The following TRAF7 variants were observed in gnomAD, a reference collection of about 807,000 sequenced individuals.
TRAF7 encodes TNF receptor associated factor 7.
Under a neutral mutation model 89.3 loss-of-function variants are expected in TRAF7, and 45 were observed. The ratio of observed to expected loss-of-function variants is 0.50; its 90% CI spans 0.40 to 0.65. TRAF7 has a LOEUF of 0.65. TRAF7 is among the 30% of genes least tolerant of loss of function. The probability of loss-of-function intolerance (pLI) is 0.00; values close to 1 mark genes in which losing one functional copy is unlikely to be tolerated. For synonymous variants in TRAF7, 406 were observed against 369.2 expected, an observed-to-expected ratio of 1.10 and a Z score of -1.14; for missense variants, 677 against 918.1, an observed-to-expected ratio of 0.74 and a Z score of 3.39.
chr16:2,156,656 A>G (rs2141260326), intron 1 of TRAF7, among the ~76,000 whole-genome samples: 1 of 136,586 alleles, frequency 7.3e-6, no homozygotes, highest in East Asian at 2.5e-4. Context: ...AAGGGGCCTG[A>G]CGCACCCCAG....
In TRAF7 at chr16:2,173,293, C is replaced by T. The variant is rs562213357; in HGVS notation, c.906C>T (p.His302=). Reference sequence around the variant, plus strand: ...CGGATGACCGCTTCCACGAGATGCACGTGGCTCTGGCCCAGAAGGACCAGG... The same window carrying T: ...CGGATGACCGCTTCCACGAGATGCATGTGGCTCTGGCCCAGAAGGACCAGG... ...QQTDDRFHEM[H]VALAQKDQEI... is the part of the protein sequence containing the mutation. Residue 302 remains histidine, a synonymous_variant, in exon 10 of 21, where the codon CAC becomes CAT. Coordinates refer to ENST00000326181, the MANE Select transcript of TRAF7 (RefSeq NM_032271.3). 54 of 1,613,640 alleles carry T rather than the reference C, an allele frequency of 3.3e-5. 2 individuals carry two copies. The highest frequency in any genetic ancestry group is 2.5e-4 in the South Asian group (23 of 91,086).
At chr16:2,176,461 C>G in intron 20 of TRAF7, 77 bp downstream of exon 20, 1 of 1,612,890 alleles carries the variant, frequency 6.2e-7, no homozygotes, top group African/African-American at 1.3e-5. Flanking sequence ...GCTGGCAGCC[C>G]CAGCACAAAG....
Position 2,168,412 on chromosome 16 carries a change from G to C in TRAF7, c.231+244G>C. Reference sequence around the variant, plus strand: ...AGCTGGGTCAGAGGGCCTGGCACCTGCAGGCCAGGATGAGGCATATTTGGC... The same window carrying C: ...AGCTGGGTCAGAGGGCCTGGCACCTCCAGGCCAGGATGAGGCATATTTGGC... On this transcript the variant is annotated intron_variant, in intron 4 of 20. Coordinates refer to ENST00000326181, the MANE Select transcript of TRAF7 (RefSeq NM_032271.3). The surrounding 1 kb of genome is among the most constrained non-coding windows in gnomAD (Gnocchi z 4.1). The C allele has an allele frequency of 6.1e-6, 3 of 493,550 alleles. No homozygotes were observed. The highest frequency in any genetic ancestry group is 3.6e-5 in the Admixed American group (1 of 28,120). The allele number at this position is 493,550 out of a possible 1,614,324, so 30.6% of individuals were successfully genotyped here.
Position 2,172,241 on chromosome 16 carries a change from G to A in TRAF7, c.526G>A (p.Ala176Thr), listed in dbSNP as rs892092927. 4.3e-6 allele frequency: 7 copies of A among 1,613,042 alleles called. No homozygotes were observed. The highest frequency in any genetic ancestry group is 5.9e-6 in the Non-Finnish European group (7 of 1,179,994). Residue 176 changes from alanine to threonine, a missense_variant, in exon 8 of 21, where the codon GCG becomes ACG. Around this residue, in one of 6 missense-constraint regions of TRAF7, gnomAD observed 238 missense variants for 352.6 expected, o/e 0.67. Transcript: ENST00000326181. ...VKLTVVVNNI[A>T]VAEQIGELFI... ...ACTGACCGTGGTGGTGAACAACATC[G>A]CGGTGGCCGAGCAGATCGGGGAGCT...
chr16:2,172,902 G>C (rs1018635406), intron 9 of TRAF7, among the ~76,000 whole-genome samples: 2 of 152,174 alleles, frequency 1.3e-5, no homozygotes, highest in Non-Finnish European at 2.9e-5. Context: ...AGTTCTTCAG[G>C]GCAGGGAGGT....
In TRAF7 at chr16:2,165,906, G is replaced by T. The variant is rs746647663; in HGVS notation, c.109G>T (p.Ala37Ser). 1.2e-6 allele frequency: 2 copies of T among 1,613,942 alleles called. No individual in the cohort carries two copies. Among genetic ancestry groups the T allele is most frequent in the South Asian group, 2.2e-5 (2 of 91,082 alleles). The part of the protein sequence containing the change: ...GTRMETTFGP[A>S]FSAVTTITKA... ...CAGAATGGAAACGACCTTCGGACCC[G>T]CCTTTTCAGCCGTCACCACCATCAC... The change falls in exon 3 of 21, where the codon GCC becomes TCC. Residue 37 changes from alanine (A) to serine (S), a missense_variant. Ala to Ser is a moderately conservative substitution (Grantham distance 99). This residue lies in a region of TRAF7 where 240 missense variants were observed against 191.9 expected (regional missense o/e 1.25). Coordinates refer to ENST00000326181, the MANE Select transcript of TRAF7 (RefSeq NM_032271.3).
chr16:2,173,859 T>TGGCC, intron 12 of TRAF7, 23 bp downstream of exon 12: 6 of 1,246,210 alleles, frequency 4.8e-6, no homozygotes, highest in Non-Finnish European at 6.6e-6. Flanking sequence ...CCGCCGTGGC[T>TGGCC]CCCGCCCACC....
chr16:2,168,743 G>C lies in TRAF7; in HGVS notation c.231+575G>C, dbSNP rs913798451. Among the ~76,000 whole-genome samples the C allele has an allele frequency of 2.0e-5, 3 of 152,126 alleles. No individual in the cohort carries two copies. The highest frequency in any genetic ancestry group is 4.4e-5 in the Non-Finnish European group (3 of 68,012). On this transcript the variant is annotated intron_variant, in intron 4 of 20. Transcript: ENST00000326181. The surrounding 1 kb of genome is among the most constrained non-coding windows in gnomAD (Gnocchi z 4.1). ...TCAGGGCAGTCGGGGGCTGGCTGCT[G>C]GTACCTGAGCCCTGTGGCCAGGGTC... is the stretch of plus-strand genomic sequence containing the variant.
At chr16:2,166,715 C>T (rs985196755) in intron 3 of TRAF7, among the ~76,000 whole-genome samples, 2 of 152,230 alleles carry the variant, frequency 1.3e-5, no homozygotes, top group African/African-American at 2.4e-5. Flanking sequence ...TAAATCTTCA[C>T]CTGCACAAGA....
In TRAF7 at chr16:2,172,240, C is replaced by T. The variant is rs779622177; in HGVS notation, c.525C>T (p.Ile175=). ...AACTGACCGTGGTGGTGAACAACAT[C>T]GCGGTGGCCGAGCAGATCGGGGAGC... ...NVKLTVVVNN[I]AVAEQIGELF... Residue 175 remains isoleucine, a synonymous_variant, in exon 8 of 21, where the codon ATC becomes ATT. Transcript: ENST00000326181. 8.7e-6 allele frequency: 14 copies of T among 1,612,948 alleles called. No homozygotes were observed. The highest frequency in any genetic ancestry group is 1.6e-4 in the Middle Eastern group (1 of 6,084).
Position 2,168,081 on chromosome 16 carries a change from C to A in TRAF7, c.144C>A (p.Asp48Glu). Residue 48 changes from aspartate to glutamate, a missense_variant, in exon 4 of 21, where the codon GAC becomes GAA. Asp to Glu is a conservative substitution (Grantham distance 45, BLOSUM62 2). This residue lies in a region of TRAF7 where 240 missense variants were observed against 191.9 expected (regional missense o/e 1.25). Coordinates refer to ENST00000326181, the MANE Select transcript of TRAF7 (RefSeq NM_032271.3). This position sits in a 1 kb window ranked among gnomAD's most constrained non-coding sequence, Gnocchi z 4.1. ...GCCAGCCCTCTTGCCTTGCAGCTGA[C>A]GGGACCAGCACCTACAAGCAGCACT... ...FSAVTTITKA[D>E]GTSTYKQHCR... 6.2e-7 allele frequency: 1 copy of A among 1,611,264 alleles called. No homozygotes were observed.
chr16:2,169,901 CTG>C (rs1294265797), intron 4 of TRAF7, among the ~76,000 whole-genome samples: 26 of 152,334 alleles, frequency 1.7e-4, no homozygotes, highest in Middle Eastern at 3.4e-3. Context: ...CTGGGCCCCT[CTG>C]CAGTCAAAGC....
Position 2,176,875 on chromosome 16 carries a change from C to T in TRAF7, c.*301C>T. ...AGGGCCTTTTTACTCACCTTTTCTA[C>T]CGTTTTTAGACTGTATGTAGATTTG... On this transcript the variant is annotated 3_prime_UTR_variant, in exon 21 of 21. Coordinates refer to ENST00000326181, the MANE Select transcript of TRAF7 (RefSeq NM_032271.3). The T allele has an allele frequency of 1.8e-6, 1 of 546,424 alleles. No individual in the cohort carries two copies. The highest frequency in any genetic ancestry group is 3.2e-5 in the East Asian group (1 of 31,742). The allele number at this position is 546,424 out of a possible 1,614,324, so 33.8% of individuals were successfully genotyped here.
At position 2,162,362 on chromosome 16, in the gene TRAF7, C is replaced by G. The variant is rs965756718; in HGVS notation, c.-38-1521C>G. Among the ~76,000 whole-genome samples, 3 of 152,158 alleles carry G rather than the reference C, an allele frequency of 2.0e-5. No homozygotes were observed. The highest frequency in any genetic ancestry group is 4.4e-5 in the Non-Finnish European group (3 of 68,012). On this transcript the variant is annotated intron_variant, in intron 1 of 20. Transcript: ENST00000326181. The surrounding 1 kb of genome is among the most constrained non-coding windows in gnomAD (Gnocchi z 5.0). ...GTAGGCCGGGCTGGGGGGCCCCAGG[C>G]CAGACTGTGGGCACGGTGGTGGGTG...
In TRAF7 at chr16:2,158,772, G is replaced by GCC. The variant is rs1399497029; in HGVS notation, c.-39+2914_-39+2915insCC. On this transcript the variant is annotated intron_variant, in intron 1 of 20. Coordinates refer to ENST00000326181, the MANE Select transcript of TRAF7 (RefSeq NM_032271.3). This position sits in a 1 kb window ranked among gnomAD's most constrained non-coding sequence, Gnocchi z 4.7. The stretch of plus-strand genomic sequence containing the variant: ...GACTGGGAAGCGTGGGCTCGGCGGG[G>GCC]GGGGGGGGGACACTGCCACCCTTGG... 2.0e-5 allele frequency among the ~76,000 whole-genome samples: 3 copies of GCC among 150,904 alleles called. No individual in the cohort carries two copies. Among genetic ancestry groups the GCC allele is most frequent in the African/African-American group, 7.3e-5 (3 of 40,898 alleles).
chr16:2,173,859 T>TGGGGCCCCCCCC, intron 12 of TRAF7, 23 bp downstream of exon 12: 9 of 1,246,162 alleles, frequency 7.2e-6, no homozygotes, highest in Non-Finnish European at 9.9e-6. Flanking sequence ...CCGCCGTGGC[T>TGGGGCCCCCCCC]CCCGCCCACC....
intron 7 of TRAF7, among the ~76,000 whole-genome samples, chr16:2,171,848 C>T (rs540238961): frequency 3.9e-5 from 6 of 152,284 alleles, no homozygotes; most frequent in Non-Finnish European, 8.8e-5. Flanking sequence ...GGGTGTGGGC[C>T]GAGGCTCCCC....
In TRAF7 at chr16:2,163,978, C is replaced by A. The variant is rs1356479004; in HGVS notation, c.58C>A (p.Pro20Thr). 6.2e-7 allele frequency: 1 copy of A among 1,612,528 alleles called. No homozygotes were observed. The highest frequency in any genetic ancestry group is 1.3e-5 in the African/African-American group (1 of 74,892). ...CTTCTCCGGGGGGCCCAGCAATCTT[C>A]CCACCCCAGACGTCACCACAGGGGT... The part of the protein sequence containing the change: ...NRFSGGPSNL[P>T]TPDVTTGTRM... The change falls in exon 2 of 21, where the codon CCC (proline) becomes ACC (threonine). Residue 20 changes from proline (P) to threonine (T), a missense_variant. Coordinates refer to ENST00000326181, the MANE Select transcript of TRAF7 (RefSeq NM_032271.3). This position sits in a 1 kb window ranked among gnomAD's most constrained non-coding sequence, Gnocchi z 4.3.
At chr16:2,167,954 C>A in intron 3 of TRAF7, 123 bp from the exon 4 acceptor site, 1 of 812,930 alleles carries the variant, frequency 1.2e-6, no homozygotes, top group Non-Finnish European at 2.0e-6. Flanking sequence ...TCCTGCCTGC[C>A]TGGCCCTGGG....
Sources: gnomAD v4.1 joint callset for allele counts (sites outside exome capture counted in the v4.1 genomes callset) on GRCh38, gnomAD v4.1.1 for gene constraint, gnomAD v4.1.1 regional missense constraint, Gnocchi (gnomAD v3.1) non-coding constraint, MANE v1.5 for transcripts, NCBI Gene and HGNC (gene_info 2026-07-23, HGNC 2026-07-21) for gene names.